Variants in PVT1 observed in about 807,000 individuals in gnomAD.
PVT1 encodes Pvt1 oncogene, also known as CXCR4/PVT1 fusion.
chr8:128,093,725 C>T (rs1814390656), intron 5 of PVT1, among the ~76,000 whole-genome samples: 1 of 151,912 alleles, frequency 6.6e-6, no homozygotes, highest in Non-Finnish European at 1.5e-5. Flanking sequence ...GCAACCTCCG[C>T]CTCCCAGGTT....
At chr8:127,913,567 G>A (rs1361873820) in intron 3 of PVT1, among the ~76,000 whole-genome samples, 1 of 142,286 alleles carries the variant, frequency 7.0e-6, no homozygotes, top group African/African-American at 3.1e-5. Context: ...TGCCCCATGT[G>A]GGGTCTGCAT....
At chr8:127,909,455 T>C (rs1815864545) in intron 3 of PVT1, among the ~76,000 whole-genome samples, 1 of 152,230 alleles carries the variant, frequency 6.6e-6, no homozygotes, top group African/African-American at 2.4e-5. Context: ...CTAGTCACTT[T>C]ACCTTCTGAG....
At chr8:128,041,766 C>T (rs796312076) in intron 4 of PVT1, among the ~76,000 whole-genome samples, 21 of 152,204 alleles carry the variant, frequency 1.4e-4, no homozygotes, top group African/African-American at 4.8e-4. Context: ...ATGTGTCAAG[C>T]ATCCCCTATT....
At chr8:128,012,438 T>C (rs1318890500) in intron 4 of PVT1, among the ~76,000 whole-genome samples, 1 of 152,254 alleles carries the variant, frequency 6.6e-6, no homozygotes, top group East Asian at 1.9e-4. Context: ...TTTATTGTTC[T>C]CATTTTGCAA....
chr8:128,000,367 G>T (rs566404409), intron 4 of PVT1, among the ~76,000 whole-genome samples: 2 of 152,340 alleles, frequency 1.3e-5, no homozygotes, highest in Middle Eastern at 3.4e-3. Context: ...AGTCAGGAGG[G>T]CTTGGTGCAG....
chr8:127,883,062 T>A (rs1327258138), intron 2 of PVT1, among the ~76,000 whole-genome samples: 1 of 147,884 alleles, frequency 6.8e-6, no homozygotes, highest in Admixed American at 6.7e-5. Flanking sequence ...TGCACACACA[T>A]CACACACACA....
chr8:128,052,685 G>C (rs1187542005), intron 4 of PVT1, among the ~76,000 whole-genome samples: 8 of 152,218 alleles, frequency 5.3e-5, no homozygotes, highest in African/African-American at 1.7e-4. Context: ...TTGGGATCCT[G>C]TAAGGGGAAG....
At chr8:127,960,965 A>G (rs1816636048) in intron 3 of PVT1, among the ~76,000 whole-genome samples, 2 of 147,796 alleles carry the variant, frequency 1.4e-5, no homozygotes, top group African/African-American at 2.5e-5. Context: ...GCGGGCACGA[A>G]TAGGGGAGGA....
rs112398801 is a variant in PVT1 at position 127,812,264 on chromosome 8, CAGGA to C, written n.372+16216_372+16219del. ...GAAGGAAGGCAGGAAGGCAGGAAGG[CAGGA>C]AGGAAGGAAGGAAGGAAGGAAGAGA... On this transcript the variant is annotated intron_variant and non_coding_transcript_variant, in intron 2 of 10. Coordinates refer to ENST00000651587, the Ensembl canonical transcript of PVT1. Among the ~76,000 whole-genome samples, 1,097 of 125,920 alleles carry C rather than the reference CAGGA, an allele frequency of 8.7e-3. 10 individuals carry two copies. The highest frequency in any genetic ancestry group is 0.012 in the African/African-American group (317 of 26,254). 82.6% of individuals were successfully genotyped at this position (125,920 alleles called of 152,430 possible). A position where few individuals can be genotyped will look rare whatever the true frequency, so the allele number is the denominator to read the frequency against.
At chr8:127,963,943 C>T (rs940837448) in intron 3 of PVT1, among the ~76,000 whole-genome samples, 4 of 152,148 alleles carry the variant, frequency 2.6e-5, no homozygotes, top group African/African-American at 4.8e-5. Context: ...GTTCTAGGAT[C>T]GTTTATTCGT....
At chr8:128,018,399 C>G (rs911862248) in intron 4 of PVT1, among the ~76,000 whole-genome samples, 1 of 152,214 alleles carries the variant, frequency 6.6e-6, no homozygotes, top group Non-Finnish European at 1.5e-5. Context: ...CTCTGTTAGG[C>G]TCCTGGAAGC....
intron 3 of PVT1, among the ~76,000 whole-genome samples, chr8:127,914,918 T>C (rs10113217): frequency 0.081 from 12,208 of 150,500 alleles, 1,475 homozygotes; most frequent in African/African-American, 0.27. Flanking sequence ...CTCCACCTCC[T>C]GTGTTCAAGT....
In PVT1 at chr8:127,795,304, C is replaced by T. The variant is rs569103337; in HGVS notation, n.194+570C>T. Among the ~76,000 whole-genome samples the T allele has an allele frequency of 2.0e-5, 3 of 152,338 alleles. No individual in the cohort carries two copies. The East Asian group carries it at 5.8e-4, about 29-fold the overall frequency. On this transcript the variant is annotated intron_variant and non_coding_transcript_variant, in intron 1 of 10. Coordinates refer to ENST00000651587, the Ensembl canonical transcript of PVT1. ...CTGTTGATTTAATTAGGTTTGCCTT[C>T]TCTTGCTAACGTGCTCTTATTTATG...
At chr8:128,091,456 A>G (rs887389987) in intron 5 of PVT1, among the ~76,000 whole-genome samples, 1 of 152,070 alleles carries the variant, frequency 6.6e-6, no homozygotes, top group Non-Finnish European at 1.5e-5. Context: ...ACCCTGGCTC[A>G]CCCGCTCCTC....
intron 2 of PVT1, among the ~76,000 whole-genome samples, chr8:127,866,456 AG>A (rs1346395956): frequency 1.3e-5 from 2 of 152,080 alleles, no homozygotes; most frequent in African/African-American, 2.4e-5. Context: ...CTTGGATCAT[AG>A]GCACTGGGAC....
intron 2 of PVT1, among the ~76,000 whole-genome samples, chr8:127,800,877 G>GTGCT (rs1448724566): frequency 4.6e-5 from 7 of 152,348 alleles, no homozygotes; most frequent in Admixed American, 1.3e-4. Context: ...AGATTATGAA[G>GTGCT]TGCTGTGGGA....
At chr8:128,032,240 A>G (rs979412455) in intron 4 of PVT1, among the ~76,000 whole-genome samples, 1 of 152,070 alleles carries the variant, frequency 6.6e-6, no homozygotes, top group Admixed American at 6.5e-5. Context: ...CGCAGCCCAC[A>G]CTGCTGTGCC....
intron 3 of PVT1, chr8:127,947,860 C>T (rs1816444147): frequency 2.2e-6 from 1 of 456,458 alleles, no homozygotes; most frequent in Non-Finnish European, 4.4e-6. Flanking sequence ...TGTGCTATAC[C>T]CTCTTGTAAG....
intron 2 of PVT1, among the ~76,000 whole-genome samples, chr8:127,887,534 T>A (rs1013652710): frequency 6.6e-6 from 1 of 152,206 alleles, no homozygotes; most frequent in Non-Finnish European, 1.5e-5. Context: ...TTATTTTATT[T>A]TTTAGACAAA....
Sources: gnomAD v4.1 joint callset for allele counts (sites outside exome capture counted in the v4.1 genomes callset) on GRCh38, gnomAD v4.1.1 for gene constraint, MANE v1.5 for transcripts, NCBI Gene and HGNC (gene_info 2026-07-23, HGNC 2026-07-21) for gene names.